Variants in VOPP1 observed in about 807,000 individuals in gnomAD.
The protein encoded by VOPP1 is VOPP1 WW domain binding protein.
Under a neutral mutation model 23.5 loss-of-function variants are expected in VOPP1, and 8 were observed. The ratio of observed to expected loss-of-function variants is 0.34; its 90% CI spans 0.20 to 0.61. VOPP1 has a LOEUF of 0.61. VOPP1 is among the 20% of genes least tolerant of loss of function. The pLI is 0.78. For missense variants in VOPP1, 174 were observed against 238.1 expected, an observed-to-expected ratio of 0.73 and a Z score of 1.77; for synonymous variants, 83 against 97.3, an observed-to-expected ratio of 0.85 and a Z score of 0.86.
chr7:55,474,679 G>A (rs187082203), intron 4 of VOPP1, among the ~76,000 whole-genome samples: 2 of 152,362 alleles, frequency 1.3e-5, no homozygotes, highest in South Asian at 2.1e-4. Flanking sequence ...CAAGGGCGGG[G>A]CAGATGAAAA....
At chr7:55,522,721 C>T (rs1341292167) in intron 1 of VOPP1, among the ~76,000 whole-genome samples, 1 of 152,206 alleles carries the variant, frequency 6.6e-6, no homozygotes, top group Non-Finnish European at 1.5e-5. Context: ...TGGGGCCTGG[C>T]TGCTCCAGGG....
intron 1 of VOPP1, among the ~76,000 whole-genome samples, chr7:55,535,522 C>T (rs1441338575): frequency 1.3e-5 from 2 of 152,290 alleles, no homozygotes; most frequent in East Asian, 1.9e-4. Flanking sequence ...CCCAGTCCCC[C>T]GCCCCGCAGC....
intron 4 of VOPP1, among the ~76,000 whole-genome samples, chr7:55,462,657 T>A (rs10231442): frequency 0.014 from 1,964 of 142,082 alleles, 50 homozygotes; most frequent in African/African-American, 0.04. Flanking sequence ...TTGATTATAT[T>A]TTTTTTTTTT....
intron 4 of VOPP1, among the ~76,000 whole-genome samples, chr7:55,473,579 C>T (rs771984894): frequency 7.2e-5 from 11 of 152,294 alleles, no homozygotes; most frequent in East Asian, 1.9e-4. Flanking sequence ...GGAGCGGAGC[C>T]GCAGGCTGAC....
chr7:55,435,390 A>G (rs1790798968), downstream of VOPP1, among the ~76,000 whole-genome samples: 1 of 152,150 alleles, frequency 6.6e-6, no homozygotes, highest in South Asian at 2.1e-4. Flanking sequence ...GCAGGATTGG[A>G]TCAGGAGGTG....
At chr7:55,485,437 T>C (rs1452688428) in intron 4 of VOPP1, among the ~76,000 whole-genome samples, 1 of 152,234 alleles carries the variant, frequency 6.6e-6, no homozygotes, top group African/African-American at 2.4e-5. Flanking sequence ...AAAAGGCAGA[T>C]AGAATGGAAA....
At chr7:55,559,385 T>A (rs1797910662) in intron 1 of VOPP1, among the ~76,000 whole-genome samples, 1 of 151,268 alleles carries the variant, frequency 6.6e-6, no homozygotes, top group Non-Finnish European at 1.5e-5. Flanking sequence ...AGCAAGCCCC[T>A]GAGAGCAGCC....
intron 1 of VOPP1, among the ~76,000 whole-genome samples, chr7:55,569,901 G>T (rs1798291865): frequency 6.6e-6 from 1 of 152,156 alleles, no homozygotes; most frequent in South Asian, 2.1e-4. Context: ...TGGGAACAGA[G>T]TCACCACTGC....
chr7:55,540,756 C>G (rs1023189434), intron 1 of VOPP1, among the ~76,000 whole-genome samples: 6 of 152,192 alleles, frequency 3.9e-5, no homozygotes, highest in African/African-American at 1.2e-4. Context: ...GGCCTCAACG[C>G]AGGGAATTTA....
At chr7:55,541,845 A>C (rs1411466943) in intron 1 of VOPP1, among the ~76,000 whole-genome samples, 1 of 152,240 alleles carries the variant, frequency 6.6e-6, no homozygotes, top group African/African-American at 2.4e-5. Context: ...TTTATATGAC[A>C]TGTCCAGAAA....
intron 1 of VOPP1, among the ~76,000 whole-genome samples, chr7:55,529,523 T>C (rs1487786699): frequency 1.3e-5 from 2 of 152,192 alleles, no homozygotes; most frequent in Non-Finnish European, 2.9e-5. Context: ...TAATTATCAA[T>C]ATAAATCACA....
intron 2 of VOPP1, among the ~76,000 whole-genome samples, chr7:55,512,071 T>C (rs113804789): frequency 1.3e-5 from 2 of 152,194 alleles, no homozygotes; most frequent in African/African-American, 4.8e-5. Context: ...TCTGCTACTA[T>C]CAAAAAGCAT....
chr7:55,464,459 T>C (rs1791584176), intron 4 of VOPP1, among the ~76,000 whole-genome samples: 1 of 152,132 alleles, frequency 6.6e-6, no homozygotes, highest in Non-Finnish European at 1.5e-5. Context: ...AGGTGCACAG[T>C]GGCCCTGCTG....
At chr7:55,457,511 G>A (rs111612351) in intron 4 of VOPP1, among the ~76,000 whole-genome samples, 1,831 of 152,030 alleles carry the variant, frequency 0.012, 13 homozygotes, top group Admixed American at 0.021. Context: ...CTGATTTAGT[G>A]GTCAGTTTTT....
intron 1 of VOPP1, among the ~76,000 whole-genome samples, chr7:55,554,456 T>C (rs1797733603): frequency 6.6e-6 from 1 of 152,168 alleles, no homozygotes; most frequent in East Asian, 1.9e-4. Flanking sequence ...ATGGGCAGAA[T>C]GGAGAAGAAA....
chr7:55,561,871 G>A (rs1798000991), intron 1 of VOPP1: 3 of 690,630 alleles, frequency 4.3e-6, no homozygotes, highest in Non-Finnish European at 7.9e-6. Context: ...GACAATGAGA[G>A]TAGCCTTCCA....
At chr7:55,505,629 A>T in intron 2 of VOPP1, among the ~76,000 whole-genome samples, 1 of 125,112 alleles carries the variant, frequency 8.0e-6, no homozygotes, top group Non-Finnish European at 1.6e-5. Context: ...GGGGAAGGAA[A>T]GAAGGAAAAA....
chr7:55,518,603 T>C (rs1795628749), intron 2 of VOPP1, among the ~76,000 whole-genome samples: 2 of 152,022 alleles, frequency 1.3e-5, no homozygotes, highest in Admixed American at 6.6e-5. Context: ...TGATCAAAGG[T>C]CCCCTACATG....
intron 1 of VOPP1, among the ~76,000 whole-genome samples, chr7:55,568,375 T>G (rs867542859): frequency 3.5e-4 from 54 of 152,336 alleles, no homozygotes; most frequent in African/African-American, 1.3e-3. Flanking sequence ...GCACCCAGCC[T>G]GACAACTGTT....
Sources: gnomAD v4.1 joint callset for allele counts (sites outside exome capture counted in the v4.1 genomes callset) on GRCh38, gnomAD v4.1.1 for gene constraint, MANE v1.5 for transcripts, NCBI Gene and HGNC (gene_info 2026-07-23, HGNC 2026-07-21) for gene names.